The following GARNL3 variants were observed in gnomAD, a reference collection of about 807,000 sequenced individuals.
GARNL3 encodes GTPase-activating Rap/Ran-GAP domain-like protein 3.
Under a neutral mutation model 125.0 loss-of-function variants are expected in GARNL3, and 63 were observed. That is an observed-to-expected ratio of 0.50 (90% CI 0.41 to 0.62). The LOEUF (loss-of-function observed/expected upper bound fraction) is 0.62, where lower values mean the gene tolerates loss of function less well. GARNL3 is among the 20% of genes least tolerant of loss of function. GARNL3 has a pLI of 0.00. For synonymous variants in GARNL3, 439 were observed against 457.5 expected (o/e 0.96, Z 0.52); for missense variants, 994 against 1,244.0 (o/e 0.80, Z 3.02).
In GARNL3 at chr9:127,392,668, A is replaced by G. The variant is rs1832930214; in HGVS notation, c.2871-415A>G. ...TGGTCAAATTAATATGCAGCTATTG[A>G]GAGAGTCCTGAGGAGCTGGAGGAAA... On this transcript the variant is annotated intron_variant, in intron 27 of 27. Coordinates refer to ENST00000373387, the MANE Select transcript of GARNL3 (RefSeq NM_032293.5). This position sits in a 1 kb window ranked among gnomAD's most constrained non-coding sequence, Gnocchi z 5.2. 6.6e-6 allele frequency among the ~76,000 whole-genome samples: 1 copy of G among 152,204 alleles called. No homozygotes were observed.
chr9:127,317,287 T>C (rs1323551750), intron 4 of GARNL3, among the ~76,000 whole-genome samples: 2 of 152,172 alleles, frequency 1.3e-5, no homozygotes, highest in East Asian at 1.9e-4. Context: ...TGTAAAAGTG[T>C]GCATTATGAA....
chr9:127,367,098 CT>C (rs1366001888), intron 22 of GARNL3: 2 of 152,208 alleles, frequency 1.3e-5, no homozygotes, highest in African/African-American at 2.4e-5. Flanking sequence ...AGGAATCTGG[CT>C]TTTGTTTTCC....
chr9:127,307,094 A>C (rs1156947467), intron 2 of GARNL3, among the ~76,000 whole-genome samples: 1 of 151,968 alleles, frequency 6.6e-6, no homozygotes, highest in South Asian at 2.1e-4. Flanking sequence ...GTTTTTTTGC[A>C]TATATTCATA....
intron 2 of GARNL3, among the ~76,000 whole-genome samples, chr9:127,298,346 T>C (rs909426093): frequency 1.3e-5 from 2 of 151,884 alleles, no homozygotes; most frequent in African/African-American, 4.8e-5. Context: ...GCCCGGCTAA[T>C]TTTTGTATTT....
chr9:127,331,719 G>GTTTTTTTTTTTTTTTTTT (rs755236965), intron 7 of GARNL3, among the ~76,000 whole-genome samples: 2 of 10,276 alleles, frequency 1.9e-4, no homozygotes, highest in African/African-American at 7.4e-4. Context: ...GCTTGGGCTT[G>GTTTTTTTTTTTTTTTTTT]CTTTTTTTTT....
At chr9:127,357,654 A>C (rs1372175255) in intron 21 of GARNL3, among the ~76,000 whole-genome samples, 1 of 152,122 alleles carries the variant, frequency 6.6e-6, no homozygotes, top group Non-Finnish European at 1.5e-5. Context: ...GAGATATGAA[A>C]AGGCCGGGCA....
chr9:127,339,296 CA>C (rs58392654), intron 12 of GARNL3, among the ~76,000 whole-genome samples: 231 of 120,874 alleles, frequency 1.9e-3, no homozygotes, highest in African/African-American at 3.3e-3. Context: ...GACTCCGTCT[CA>C]AAAAAAAAAA....
intron 16 of GARNL3, 146 bp from the exon 17 acceptor site, chr9:127,348,778 T>G (rs922787888): frequency 7.1e-6 from 4 of 560,222 alleles, no homozygotes; most frequent in Non-Finnish European, 1.3e-5. Context: ...GGTAATTGAG[T>G]CCAGACCCCA....
chr9:127,226,138 G>A (rs546887393), intron 1 of GARNL3, among the ~76,000 whole-genome samples: 1 of 152,180 alleles, frequency 6.6e-6, no homozygotes, highest in Non-Finnish European at 1.5e-5. Flanking sequence ...TCTTCCTAAA[G>A]CCGTGACTGT....
At chr9:127,347,255 C>CA (rs368681227) in intron 16 of GARNL3, among the ~76,000 whole-genome samples, 3,995 of 151,494 alleles carry the variant, frequency 0.026, 72 homozygotes, top group African/African-American at 0.046. Flanking sequence ...CCTGTCTCCA[C>CA]AAAAAAAATT....
intron 2 of GARNL3, chr9:127,300,283 G>T: frequency 4.0e-6 from 1 of 248,088 alleles, no homozygotes; most frequent in Non-Finnish European, 8.3e-6. Context: ...AAAAGTTAGA[G>T]GCCACACATT....
chr9:127,354,181 G>C, intron 18 of GARNL3, 113 bp from the exon 19 acceptor site: 1 of 792,624 alleles, frequency 1.3e-6, no homozygotes, highest in Non-Finnish European at 2.1e-6. Context: ...GGTGCCTCCT[G>C]AATTCCAGAA....
chr9:127,336,102 A>C (rs373270782), intron 10 of GARNL3, 26 bp from the exon 11 acceptor site: 6 of 1,508,026 alleles, frequency 4.0e-6, no homozygotes, highest in Non-Finnish European at 5.5e-6. Context: ...AGTCTTTCTC[A>C]GTGATGTTAT....
chr9:127,381,160 G>A (rs1477157311), intron 22 of GARNL3, among the ~76,000 whole-genome samples: 2 of 152,198 alleles, frequency 1.3e-5, no homozygotes, highest in African/African-American at 4.8e-5. Flanking sequence ...TTACAGGCGA[G>A]AGCCACTACA....
chr9:127,275,874 T>C (rs1190503179), intron 1 of GARNL3, among the ~76,000 whole-genome samples: 1 of 152,244 alleles, frequency 6.6e-6, no homozygotes, highest in African/African-American at 2.4e-5. Context: ...ATTGCAGTTA[T>C]CGTTGTGTTG....
At chr9:127,348,805 C>A in intron 16 of GARNL3, 119 bp from the exon 17 acceptor site, 1 of 633,188 alleles carries the variant, frequency 1.6e-6, no homozygotes, top group Non-Finnish European at 2.7e-6. Context: ...GGAGTGACTC[C>A]GCTCCCACGG....
At chr9:127,359,073 C>A (rs961468370) in intron 21 of GARNL3, among the ~76,000 whole-genome samples, 1 of 152,108 alleles carries the variant, frequency 6.6e-6, no homozygotes, top group Non-Finnish European at 1.5e-5. Flanking sequence ...TAATTTAAAG[C>A]TGGGAGGAAT....
At chr9:127,391,533 A>AAAAAAAAAAAATATAT in intron 27 of GARNL3, among the ~76,000 whole-genome samples, 1 of 75,874 alleles carries the variant, frequency 1.3e-5, no homozygotes, top group South Asian at 7.0e-4. Flanking sequence ...ACAAAAAAAA[A>AAAAAAAAAAAATATAT]ATATATATAT....
At chr9:127,311,848 C>A in intron 3 of GARNL3, 113 bp downstream of exon 3, 1 of 670,570 alleles carries the variant, frequency 1.5e-6, no homozygotes, top group Non-Finnish European at 2.6e-6. Flanking sequence ...GGAACACTAA[C>A]ATCAGGGCAT....
Sources: allele counts gnomAD v4.1 joint callset (sites outside exome capture counted in the v4.1 genomes callset), GRCh38; gene constraint gnomAD v4.1.1; non-coding constraint Gnocchi (gnomAD v3.1); transcripts MANE v1.5; gene names NCBI Gene and HGNC (gene_info 2026-07-23, HGNC 2026-07-21).